SOX5: variants seen among roughly 807,000 people sequenced by gnomAD.
The protein encoded by SOX5 is transcription factor SOX-5.
In SOX5, 9 loss-of-function variants were observed where a neutral mutation model predicts 92.0. That is an observed-to-expected ratio of 0.10 (90% confidence interval 0.06 to 0.17). The LOEUF (loss-of-function observed/expected upper bound fraction) is 0.17, where lower values mean the gene tolerates loss of function less well. SOX5 is among the 10% of genes least tolerant of loss of function. The pLI is 1.00. For synonymous variants in SOX5, 344 were observed against 336.3 expected (o/e 1.02, Z -0.25); for missense variants, 642 against 944.5 (o/e 0.68, Z 4.20).
At chr12:23,549,004 C>A (rs1361450877) in intron 11 of SOX5, among the ~76,000 whole-genome samples, 1 of 151,976 alleles carries the variant, frequency 6.6e-6, no homozygotes, top group Non-Finnish European at 1.5e-5. Context: ...CTCCAGCCAT[C>A]CCCTCTCTGA....
chr12:23,663,924 A>C (rs2083420193), intron 7 of SOX5, among the ~76,000 whole-genome samples: 1 of 152,114 alleles, frequency 6.6e-6, no homozygotes, highest in African/African-American at 2.4e-5. Context: ...TAGATGAATA[A>C]ATTAAGAGTC....
chr12:23,664,514 TC>T (rs2083513093), intron 7 of SOX5, among the ~76,000 whole-genome samples: 1 of 152,162 alleles, frequency 6.6e-6, no homozygotes, highest in Non-Finnish European at 1.5e-5. Context: ...AGCTTAGCAA[TC>T]TAGCCCCTCT....
chr12:23,761,570 C>T (rs537195065), intron 3 of SOX5, among the ~76,000 whole-genome samples: 37 of 152,090 alleles, frequency 2.4e-4, no homozygotes, highest in Admixed American at 6.6e-4. Flanking sequence ...ATTAGAGATG[C>T]TAAATAACTT....
chr12:24,365,714 G>A (rs928225894), intron 2 of SOX5, among the ~76,000 whole-genome samples: 1 of 124,292 alleles, frequency 8.0e-6, no homozygotes, highest in Non-Finnish European at 1.8e-5. Flanking sequence ...GAAGAGATCT[G>A]GGATACATAT....
In SOX5 at chr12:23,732,313, A is replaced by G. The variant is rs191241197; in HGVS notation, c.810+2371T>C. On this transcript the variant is annotated intron_variant, in intron 6 of 14. Coordinates refer to ENST00000451604, the MANE Select transcript of SOX5 (RefSeq NM_006940.6). ...CTATTTCTACATATGTCACCACATC[A>G]GAGCTTCCCATAATTGTTTGAACAA... Among the ~76,000 whole-genome samples, 4 of 152,314 alleles carry G rather than the reference A, an allele frequency of 2.6e-5. No homozygotes were observed. The East Asian group carries it at 7.7e-4, about 29-fold the overall frequency.
intron 2 of SOX5, among the ~76,000 whole-genome samples, chr12:24,293,076 A>C (rs2140526000): frequency 6.6e-6 from 1 of 152,330 alleles, no homozygotes. Context: ...TAGTCACTAT[A>C]CTATAATAAC....
rs562957704 is a variant in SOX5 at position 23,903,269 on chromosome 12, TC to T, written c.39-7246del. Among the ~76,000 whole-genome samples, 110 of 152,110 alleles carry T rather than the reference TC, an allele frequency of 7.2e-4. 1 individual carries two copies. The highest frequency in any genetic ancestry group is 4.1e-3 in the Admixed American group (63 of 15,264). ...AATGCTTCCCAGAAAATACAATAATTCAACAGGGTAATGAAGAATGGGTCAG... is the reference window on the plus strand; with the variant it reads ...AATGCTTCCCAGAAAATACAATAATTAACAGGGTAATGAAGAATGGGTCAG... On this transcript the variant is annotated intron_variant, in intron 1 of 14. Coordinates refer to ENST00000451604, the MANE Select transcript of SOX5 (RefSeq NM_006940.6).
intron 2 of SOX5, among the ~76,000 whole-genome samples, chr12:24,323,415 TG>T (rs2140921009): frequency 6.6e-6 from 1 of 151,852 alleles, no homozygotes; most frequent in African/African-American, 2.4e-5. Flanking sequence ...CAAGTTATAT[TG>T]GTTTTCTAGC....
chr12:23,720,537 C>G (rs1338849102), intron 6 of SOX5, among the ~76,000 whole-genome samples: 1 of 151,660 alleles, frequency 6.6e-6, no homozygotes, highest in Non-Finnish European at 1.5e-5. Context: ...GTTCACAAAT[C>G]CCAATGATAT....
chr12:23,864,824 A>T (rs1049589464), intron 2 of SOX5, among the ~76,000 whole-genome samples: 12 of 152,250 alleles, frequency 7.9e-5, no homozygotes, highest in African/African-American at 2.7e-4. Flanking sequence ...GCAGCAAGTC[A>T]TCCAGAAGAC....
chr12:23,798,592 A>T (rs922138219), intron 3 of SOX5, among the ~76,000 whole-genome samples: 7 of 127,660 alleles, frequency 5.5e-5, no homozygotes, highest in African/African-American at 2.0e-4. Flanking sequence ...TAAAATGGCA[A>T]AAGAACCAAA....
intron 1 of SOX5, among the ~76,000 whole-genome samples, chr12:23,929,573 C>T (rs1334137555): frequency 2.0e-5 from 3 of 151,770 alleles, no homozygotes; most frequent in Non-Finnish European, 1.5e-5. Flanking sequence ...ATTATTTAAT[C>T]CCACTGTGAA....
intron 2 of SOX5, among the ~76,000 whole-genome samples, chr12:23,880,578 CCT>C (rs896546370): frequency 6.6e-6 from 1 of 152,026 alleles, no homozygotes; most frequent in African/African-American, 2.4e-5. Flanking sequence ...TCTCATTCTC[CCT>C]CTCTATCTCC....
chr12:23,575,520 G>A (rs1948979848), intron 10 of SOX5, 141 bp downstream of exon 10: 4 of 667,910 alleles, frequency 6.0e-6, no homozygotes, highest in South Asian at 2.0e-5. Flanking sequence ...TGTTTAAAAC[G>A]GACCTAGGTG....
intron 4 of SOX5, among the ~76,000 whole-genome samples, chr12:24,144,225 A>T (rs1458909456): frequency 6.6e-6 from 1 of 152,208 alleles, no homozygotes; most frequent in African/African-American, 2.4e-5. Flanking sequence ...GAAAAGTTAG[A>T]TATAAAATAC....
intron 3 of SOX5, among the ~76,000 whole-genome samples, chr12:24,218,117 C>G (rs538487470): frequency 3.1e-4 from 47 of 152,260 alleles, no homozygotes; most frequent in African/African-American, 1.1e-3. Flanking sequence ...AGCCATTCTA[C>G]TCCTAAGTGT....
intron 8 of SOX5, among the ~76,000 whole-genome samples, chr12:23,608,974 T>C (rs1461366974): frequency 6.6e-6 from 1 of 152,180 alleles, no homozygotes; most frequent in Non-Finnish European, 1.5e-5. Flanking sequence ...ACTATAAGTA[T>C]ACTGTAACTG....
intron 2 of SOX5, among the ~76,000 whole-genome samples, chr12:24,304,249 T>C (rs777750813): frequency 6.6e-6 from 1 of 152,190 alleles, no homozygotes; most frequent in African/African-American, 2.4e-5. Flanking sequence ...TAGGAAAATA[T>C]ACAATTCTTC....
At chr12:24,155,643 T>C (rs998209323) in intron 4 of SOX5, among the ~76,000 whole-genome samples, 2 of 152,190 alleles carry the variant, frequency 1.3e-5, no homozygotes, top group African/African-American at 4.8e-5. Flanking sequence ...TAAAGGACTA[T>C]GATGAGATGT....
Sources: gnomAD v4.1 joint callset for allele counts (sites outside exome capture counted in the v4.1 genomes callset) on GRCh38, gnomAD v4.1.1 for gene constraint, MANE v1.5 for transcripts, NCBI Gene and HGNC (gene_info 2026-07-23, HGNC 2026-07-21) for gene names.